Variants in UGT3A1 observed in about 807,000 individuals in gnomAD.
UGT3A1 encodes UDP-glycosyltransferase 3A1.
In UGT3A1, 40 loss-of-function variants were observed where a neutral mutation model predicts 37.6. That is an observed-to-expected ratio of 1.06 (90% CI 0.83 to 1.38). UGT3A1 has a LOEUF of 1.38. UGT3A1 is among the 40% of genes most tolerant of loss of function. The probability of loss-of-function intolerance (pLI) is 0.00; values close to 1 mark genes in which losing one functional copy is unlikely to be tolerated. For missense variants in UGT3A1, 642 were observed against 634.2 expected (o/e 1.01, Z -0.13); for synonymous variants, 256 against 232.3 (o/e 1.10, Z -0.93).
upstream of UGT3A1, among the ~76,000 whole-genome samples, chr5:35,996,077 T>A (rs1741089110): frequency 6.7e-6 from 1 of 150,004 alleles, no homozygotes; most frequent in African/African-American, 2.5e-5. Context: ...CATTTACAGC[T>A]AAAGCAATTA....
chr5:35,992,568 CA>C (rs1486432030), upstream of UGT3A1, among the ~76,000 whole-genome samples: 1 of 134,866 alleles, frequency 7.4e-6, no homozygotes, highest in African/African-American at 2.6e-5. Context: ...ATTATTACAC[CA>C]GATATGTTTG....
rs141907677 is a variant in UGT3A1, at chr5:35,954,371, G to A, written c.1403C>T (p.Ala468Val). The A allele has an allele frequency of 8.4e-5, 135 of 1,614,024 alleles. 2 individuals carry two copies. The highest frequency in any genetic ancestry group is 2.9e-4 in the East Asian group (13 of 44,888). The change falls in exon 7 of 7, where the codon GCG (alanine) becomes GTG (valine). Residue 468 changes from alanine (A) to valine (V), a missense_variant. Ala to Val is a moderately conservative substitution (Grantham distance 64). Transcript: ENST00000274278. The part of the protein sequence containing the change: ...WIDHILQTGG[A>V]THLKPYAFQQ... Reference sequence around the variant, plus strand: ...GAAGGCATAGGGCTTGAGGTGCGTCGCTCCCCCAGTCTGGAGGATGTGGTC... The same window carrying A: ...GAAGGCATAGGGCTTGAGGTGCGTCACTCCCCCAGTCTGGAGGATGTGGTC...
intron 1 of UGT3A1, 85 bp downstream of exon 1, chr5:35,991,060 ACT>A (rs1740927758): frequency 1.1e-5 from 18 of 1,613,474 alleles, no homozygotes; most frequent in Non-Finnish European, 1.5e-5. Context: ...CGCCTGGATA[ACT>A]CTGATCAATC....
intron 2 of UGT3A1, among the ~76,000 whole-genome samples, chr5:35,970,983 A>C (rs563924017): frequency 6.6e-6 from 1 of 151,922 alleles, no homozygotes. Flanking sequence ...ATACTTTGCA[A>C]TCATAGATTT....
upstream of UGT3A1, among the ~76,000 whole-genome samples, chr5:35,993,289 T>C (rs555635818): frequency 2.0e-4 from 31 of 152,008 alleles, no homozygotes; most frequent in Middle Eastern, 3.4e-3. Flanking sequence ...CATGGTGAAA[T>C]CCCGTCTCTC....
chr5:35,999,301 G>A (rs1399196968), intron 1 of UGT3A1, among the ~76,000 whole-genome samples: 1 of 150,412 alleles, frequency 6.6e-6, no homozygotes, highest in Non-Finnish European at 1.5e-5. Flanking sequence ...AAACCAAAAC[G>A]TTTGGCAATT....
intron 1 of UGT3A1, among the ~76,000 whole-genome samples, chr5:35,989,124 A>T (rs1383315319): frequency 2.0e-5 from 3 of 152,232 alleles, no homozygotes; most frequent in Non-Finnish European, 4.4e-5. Context: ...AATCTTTGTG[A>T]TTAAAATGTA....
intron 2 of UGT3A1, among the ~76,000 whole-genome samples, chr5:35,987,417 T>A (rs80214196): frequency 1.4e-3 from 210 of 152,284 alleles, no homozygotes; most frequent in African/African-American, 4.7e-3. Context: ...CACAGAATCA[T>A]TTGTAGATTT....
chr5:35,955,761 G>T lies in UGT3A1; in HGVS notation c.1179C>A (p.Asp393Glu), dbSNP rs1739328486. The T allele has an allele frequency of 6.2e-7, 1 of 1,614,154 alleles. No homozygotes were observed. Among genetic ancestry groups the T allele is most frequent in the Non-Finnish European group, 8.5e-7 (1 of 1,180,018 alleles). ...CTACTCGGACCATGTTTCCATGCTG[G>T]TCTCCATTGACTGGTAATCCCACCA... ...VPMVGLPVNG[D>E]QHGNMVRVVA... The change falls in exon 6 of 7, where the codon GAC (aspartate) becomes GAA (glutamate). Residue 393 changes from aspartate (D) to glutamate (E), a missense_variant. Coordinates refer to ENST00000274278, the MANE Select transcript of UGT3A1 (RefSeq NM_152404.4).
intron 2 of UGT3A1, among the ~76,000 whole-genome samples, chr5:35,976,991 GAAAGAAAGA>G (rs1297346987): frequency 6.9e-6 from 1 of 144,870 alleles, no homozygotes; most frequent in African/African-American, 2.6e-5. Flanking sequence ...AAGAGAAAGA[GAAAGAAAGA>G]AAAGAAAGAA....
chr5:35,971,666 C>G (rs1242348572), intron 2 of UGT3A1, among the ~76,000 whole-genome samples: 1 of 152,176 alleles, frequency 6.6e-6, no homozygotes, highest in Non-Finnish European at 1.5e-5. Context: ...CTGACTGCTC[C>G]CACCAACTCC....
chr5:35,959,637 G>T (rs1157778340), intron 4 of UGT3A1, among the ~76,000 whole-genome samples: 9 of 149,898 alleles, frequency 6.0e-5, no homozygotes, highest in African/African-American at 2.2e-4. Flanking sequence ...GTCTGAGAAA[G>T]AAAAAGAAAA....
chr5:35,980,537 C>A lies in UGT3A1; in HGVS notation c.196+7913G>T, dbSNP rs115353794. 3.4e-3 allele frequency among the ~76,000 whole-genome samples: 523 copies of A among 152,312 alleles called. 8 individuals are homozygous for A. Among genetic ancestry groups the A allele is most frequent in the African/African-American group, 0.012 (495 of 41,572 alleles). On this transcript the variant is annotated intron_variant, in intron 2 of 6. Coordinates refer to ENST00000274278, the MANE Select transcript of UGT3A1 (RefSeq NM_152404.4). ...AGCTCAGTACATATATGTCAGAACA[C>A]TACCATGGCCAGGAATGACTACCAG... is the stretch of plus-strand genomic sequence containing the variant.
chr5:35,979,975 T>C (rs578111411), intron 2 of UGT3A1, among the ~76,000 whole-genome samples: 2 of 152,314 alleles, frequency 1.3e-5, no homozygotes, highest in African/African-American at 4.8e-5. Flanking sequence ...ATCACAAGAA[T>C]AGCACAGGAA....
chr5:35,952,919 G>A lies in UGT3A1; in HGVS notation c.*1283C>T, dbSNP rs1739224431. ...ATGGAATTGGCAAAGTTTTTGGTGG[G>A]GGGCATTCTCTATTTCTGCAGGAGC... On this transcript the variant is annotated 3_prime_UTR_variant, in exon 7 of 7. Coordinates refer to ENST00000274278, the MANE Select transcript of UGT3A1 (RefSeq NM_152404.4). 6.6e-6 allele frequency: 1 copy of A among 152,148 alleles called. No homozygotes were observed. The highest frequency in any genetic ancestry group is 6.5e-5 in the Admixed American group (1 of 15,274). The allele number at this position is 152,148 out of a possible 1,614,324, so 9.4% of individuals were successfully genotyped here.
chr5:35,957,444 G>A (rs1465184474), intron 4 of UGT3A1, 25 bp from the exon 5 acceptor site: 2 of 1,603,926 alleles, frequency 1.2e-6, no homozygotes, highest in East Asian at 2.2e-5. Flanking sequence ...CAAAAGAAAG[G>A]AGGTGGCAAA....
chr5:35,985,020 A>G (rs2149988141), intron 2 of UGT3A1, among the ~76,000 whole-genome samples: 1 of 151,458 alleles, frequency 6.6e-6, no homozygotes, highest in South Asian at 2.1e-4. Flanking sequence ...AAACTTTTAG[A>G]CTGAACCAAT....
At chr5:35,972,342 C>T (rs1311571302) in intron 2 of UGT3A1, among the ~76,000 whole-genome samples, 1 of 151,780 alleles carries the variant, frequency 6.6e-6, no homozygotes, top group Non-Finnish European at 1.5e-5. Context: ...AACAAACAAA[C>T]AAAAAACTCT....
intron 4 of UGT3A1, among the ~76,000 whole-genome samples, chr5:35,958,559 C>A (rs1397283920): frequency 2.6e-5 from 4 of 152,202 alleles, no homozygotes; most frequent in Non-Finnish European, 5.9e-5. Context: ...TGTTAATCAG[C>A]AGCCGCATGC....
Sources: gnomAD v4.1 joint callset for allele counts (sites outside exome capture counted in the v4.1 genomes callset) on GRCh38, gnomAD v4.1.1 for gene constraint, MANE v1.5 for transcripts, NCBI Gene and HGNC (gene_info 2026-07-23, HGNC 2026-07-21) for gene names.